Variants in SULF2 observed in about 807,000 individuals in gnomAD.
SULF2 encodes extracellular sulfatase Sulf-2.
SULF2 carries 52 observed loss-of-function variants against 107.7 expected under a neutral mutation model. The observed-to-expected ratio is 0.48, with a 90% CI of 0.39 to 0.61. The LOEUF is 0.61. Among genes scored for constraint, SULF2 ranks in the 20% least tolerant of loss-of-function variants. The probability of loss-of-function intolerance (pLI) is 0.00; values close to 1 mark genes in which losing one functional copy is unlikely to be tolerated. For missense variants in SULF2, 993 were observed against 1,177.3 expected, an observed-to-expected ratio of 0.84 and a Z score of 2.29; for synonymous variants, 460 against 464.3, an observed-to-expected ratio of 0.99 and a Z score of 0.12.
At chr20:47,738,301 C>A (rs143195602) in intron 2 of SULF2, among the ~76,000 whole-genome samples, 1 of 152,312 alleles carries the variant, frequency 6.6e-6, no homozygotes, top group African/African-American at 2.4e-5. Flanking sequence ...TACCCAGACC[C>A]TTAGTGATTT....
intron 11 of SULF2, among the ~76,000 whole-genome samples, chr20:47,671,731 T>C (rs1336358445): frequency 6.6e-6 from 1 of 152,176 alleles, no homozygotes; most frequent in African/African-American, 2.4e-5. Context: ...CTTCCTTTTT[T>C]TTGAGATGGA....
intron 1 of SULF2, among the ~76,000 whole-genome samples, chr20:47,765,187 TA>T (rs375531395): frequency 3.3e-5 from 5 of 151,274 alleles, no homozygotes; most frequent in South Asian, 4.2e-4. Context: ...CCGTCTCTAC[TA>T]AAAAAAATAC....
intron 17 of SULF2, 57 bp from the exon 18 acceptor site, chr20:47,661,953 C>T: frequency 3.6e-6 from 5 of 1,404,878 alleles, no homozygotes; most frequent in African/African-American, 1.4e-5. Flanking sequence ...CTCGCCCTGC[C>T]CTTCTACCAA....
At chr20:47,659,502 A>G (rs760578927) in intron 19 of SULF2, 50 bp from the exon 20 acceptor site, 1 of 1,591,668 alleles carries the variant, frequency 6.3e-7, no homozygotes, top group Non-Finnish European at 8.6e-7. Context: ...TCACCAAGAA[A>G]GAAAAAGTCC....
chr20:47,719,720 GC>G (rs2089231787), intron 3 of SULF2, among the ~76,000 whole-genome samples: 1 of 152,154 alleles, frequency 6.6e-6, no homozygotes, highest in Non-Finnish European at 1.5e-5. Flanking sequence ...TCTGCAAAGG[GC>G]CAGACTATGT....
chr20:47,697,999 A>G (rs375983459), intron 4 of SULF2, among the ~76,000 whole-genome samples: 1 of 152,220 alleles, frequency 6.6e-6, no homozygotes, highest in East Asian at 1.9e-4. Context: ...CTGCCTCATC[A>G]GAACTTTGGA....
chr20:47,753,517 C>T (rs570703154), intron 2 of SULF2, among the ~76,000 whole-genome samples: 41 of 152,350 alleles, frequency 2.7e-4, no homozygotes, highest in African/African-American at 9.9e-4. Flanking sequence ...CAGCATCTTG[C>T]TGAAATTTAA....
At chr20:47,737,762 T>TG (rs1411865465) in intron 2 of SULF2, among the ~76,000 whole-genome samples, 2 of 133,002 alleles carry the variant, frequency 1.5e-5, no homozygotes, top group African/African-American at 5.8e-5. Context: ...TTTGTTTTTT[T>TG]TTTTTTTTTT....
At chr20:47,748,584 C>G (rs560420355) in intron 2 of SULF2, among the ~76,000 whole-genome samples, 4 of 152,360 alleles carry the variant, frequency 2.6e-5, no homozygotes, top group African/African-American at 9.6e-5. Flanking sequence ...CAGCCCTGCT[C>G]TCTGTCCAGT....
chr20:47,698,558 G>A (rs977272969), intron 4 of SULF2, among the ~76,000 whole-genome samples: 2 of 152,188 alleles, frequency 1.3e-5, no homozygotes, highest in Non-Finnish European at 2.9e-5. Flanking sequence ...AAACAGAGCT[G>A]ACAGTAGAGA....
rs1333087154 is a variant in SULF2 at position 47,785,454 on chromosome 20, C to CGCTGCCGCTGCT, written c.-213_-212insAGCAGCGGCAGC. On this transcript the variant is annotated 5_prime_UTR_variant, in exon 1 of 21. Transcript: ENST00000688720. Reference sequence around the variant, plus strand: ...GACTCCGCGCCGCCGCTGCCGCTGCCGCCGCCGCCGCCGCCGCTGCCGCTG... The same window carrying CGCTGCCGCTGCT: ...GACTCCGCGCCGCCGCTGCCGCTGCCGCTGCCGCTGCTGCCGCCGCCGCCGCCGCTGCCGCTG... 5 of 153,296 alleles carry CGCTGCCGCTGCT rather than the reference C, an allele frequency of 3.3e-5. No individual in the cohort carries two copies. The highest frequency in any genetic ancestry group is 7.7e-5 in the African/African-American group (3 of 38,780). The allele number at this position is 153,296 out of a possible 1,614,324, so 9.5% of individuals were successfully genotyped here. A position where few individuals can be genotyped will look rare whatever the true frequency, so the allele number is the denominator to read the frequency against.
chr20:47,692,150 C>G lies in SULF2; in HGVS notation c.568-1855G>C, dbSNP rs183423423. 2.6e-4 allele frequency among the ~76,000 whole-genome samples: 39 copies of G among 152,310 alleles called. No homozygotes were observed. In the East Asian group the frequency reaches 6.0e-3, roughly 23 times the overall value. ...TTGAAATATACCCTCTGCTAGAAAG[C>G]AGCTCTGCCCAAAACAATTACTTTC... On this transcript the variant is annotated intron_variant, in intron 4 of 20. Transcript: ENST00000688720.
chr20:47,784,718 G>A (rs1038189759), intron 1 of SULF2, among the ~76,000 whole-genome samples: 15 of 152,224 alleles, frequency 9.9e-5, no homozygotes, highest in African/African-American at 1.9e-4. Context: ...AGGAATGTTT[G>A]GAAAAGTGCA....
chr20:47,705,499 G>A (rs538467155), intron 3 of SULF2, among the ~76,000 whole-genome samples: 194 of 152,316 alleles, frequency 1.3e-3, no homozygotes, highest in African/African-American at 4.6e-3. Context: ...TCCCGGGCAA[G>A]CTAAAGGCCT....
At chr20:47,754,334 A>G (rs1284438906) in intron 2 of SULF2, among the ~76,000 whole-genome samples, 2 of 152,220 alleles carry the variant, frequency 1.3e-5, no homozygotes, top group African/African-American at 4.8e-5. Context: ...AGCAAATGAT[A>G]AATTTTTTAG....
chr20:47,773,488 C>A (rs987488084), intron 1 of SULF2, among the ~76,000 whole-genome samples: 2 of 152,236 alleles, frequency 1.3e-5, no homozygotes, highest in African/African-American at 4.8e-5. Flanking sequence ...ATGGTGCAGC[C>A]GAGCACGGCA....
intron 2 of SULF2, among the ~76,000 whole-genome samples, chr20:47,750,245 G>A (rs4810681): frequency 0.33 from 49,547 of 152,092 alleles, 9,547 homozygotes; most frequent in Non-Finnish European, 0.41. Context: ...CTCCCAAAGC[G>A]CTGGGATCAC....
At chr20:47,705,228 G>A (rs1458507838) in intron 3 of SULF2, among the ~76,000 whole-genome samples, 1 of 152,166 alleles carries the variant, frequency 6.6e-6, no homozygotes, top group Non-Finnish European at 1.5e-5. Flanking sequence ...AAATAGGAAG[G>A]GAGGATCCCC....
chr20:47,658,502 A>G, intron 20 of SULF2, 110 bp from the exon 21 acceptor site: 1 of 1,201,770 alleles, frequency 8.3e-7, no homozygotes, highest in Non-Finnish European at 1.2e-6. Flanking sequence ...GCTGAGAATG[A>G]ATATTTCTAG....
Sources: gnomAD v4.1 joint callset for allele counts (sites outside exome capture counted in the v4.1 genomes callset) on GRCh38, gnomAD v4.1.1 for gene constraint, MANE v1.5 for transcripts, NCBI Gene and HGNC (gene_info 2026-07-23, HGNC 2026-07-21) for gene names.